ADGRL3: variants seen among roughly 807,000 people sequenced by gnomAD.
ADGRL3 encodes the protein adhesion G protein-coupled receptor L3, also known as calcium-independent alpha-latrotoxin receptor 3.
In ADGRL3, 62 loss-of-function variants were observed where a neutral mutation model predicts 153.5. The observed-to-expected ratio is 0.40, with a 90% CI of 0.33 to 0.50. ADGRL3 has a LOEUF of 0.50. ADGRL3 is among the 20% of genes least tolerant of loss of function. The pLI is 0.47. For synonymous variants in ADGRL3, 710 were observed against 672.5 expected (o/e 1.06, Z -0.86); for missense variants, 1,641 against 1,859.4 (o/e 0.88, Z 2.16).
chr4:62,027,295 C>T (rs1386461270), intron 21 of ADGRL3, among the ~76,000 whole-genome samples: 2 of 151,824 alleles, frequency 1.3e-5, no homozygotes, highest in South Asian at 2.1e-4. Flanking sequence ...CTTGGATTTC[C>T]GTTTCTTGGC....
At chr4:61,700,001 A>G (rs2095720644) in intron 6 of ADGRL3, among the ~76,000 whole-genome samples, 1 of 151,810 alleles carries the variant, frequency 6.6e-6, no homozygotes, top group Admixed American at 6.6e-5. Flanking sequence ...GAGAGAGAAG[A>G]CATATGTATG....
At chr4:61,922,222 T>C (rs1353379901) in intron 13 of ADGRL3, among the ~76,000 whole-genome samples, 1 of 152,186 alleles carries the variant, frequency 6.6e-6, no homozygotes, top group East Asian at 1.9e-4. Context: ...GTATGGAGTT[T>C]TACAGTGTTG....
intron 1 of ADGRL3, among the ~76,000 whole-genome samples, chr4:61,367,263 T>C (rs1396253280): frequency 1.3e-5 from 2 of 151,788 alleles, no homozygotes; most frequent in Admixed American, 1.3e-4. Flanking sequence ...ATACTTTAAG[T>C]TTTAGGGTAC....
intron 4 of ADGRL3, among the ~76,000 whole-genome samples, chr4:61,522,352 A>T (rs988209213): frequency 6.6e-6 from 1 of 152,178 alleles, no homozygotes; most frequent in African/African-American, 2.4e-5. Context: ...GCCTAATTAT[A>T]ACTGGTTATT....
intron 1 of ADGRL3, among the ~76,000 whole-genome samples, chr4:61,317,913 C>T (rs1259179645): frequency 4.6e-5 from 7 of 152,062 alleles, no homozygotes; most frequent in African/African-American, 9.7e-5. Context: ...TGGTGGCTCA[C>T]GCCTGTAATC....
At chr4:61,252,161 G>C (rs1474866009) in intron 1 of ADGRL3, among the ~76,000 whole-genome samples, 1 of 152,072 alleles carries the variant, frequency 6.6e-6, no homozygotes, top group Non-Finnish European at 1.5e-5. Flanking sequence ...GGGATTACAG[G>C]CATGAGCCAC....
At chr4:61,884,647 T>C (rs35109979) in intron 9 of ADGRL3, among the ~76,000 whole-genome samples, 45,333 of 151,734 alleles carry the variant, frequency 0.3, 7,227 homozygotes, top group East Asian at 0.62. Flanking sequence ...TTTTTTGAGA[T>C]GGAGTCTCGC....
intron 23 of ADGRL3, 61 bp from the exon 24 acceptor site, chr4:62,037,670 T>G: frequency 6.4e-7 from 1 of 1,573,246 alleles, no homozygotes; most frequent in Non-Finnish European, 8.7e-7. Flanking sequence ...ATACATTGTC[T>G]ACTTTTGTTC....
At chr4:61,828,674 T>C (rs1271167290) in intron 9 of ADGRL3, among the ~76,000 whole-genome samples, 1 of 152,198 alleles carries the variant, frequency 6.6e-6, no homozygotes, top group African/African-American at 2.4e-5. Flanking sequence ...ACTGTCTTAA[T>C]GGAGTACTTC....
chr4:61,250,721 G>C (rs1460512210), intron 1 of ADGRL3, among the ~76,000 whole-genome samples: 2 of 152,140 alleles, frequency 1.3e-5, no homozygotes, highest in African/African-American at 4.8e-5. Flanking sequence ...CAAATGAGCT[G>C]TGTGTTACTG....
chr4:61,236,003 C>T (rs368560880), intron 1 of ADGRL3, among the ~76,000 whole-genome samples: 16 of 59,060 alleles, frequency 2.7e-4, no homozygotes, highest in South Asian at 7.5e-4. Context: ...TGTTTCTTTT[C>T]TTTTCTTTTT....
chr4:61,338,012 C>A (rs546886410), intron 1 of ADGRL3, among the ~76,000 whole-genome samples: 1 of 152,132 alleles, frequency 6.6e-6, no homozygotes, highest in Admixed American at 6.5e-5. Flanking sequence ...CCTGTAATCC[C>A]CCAGCACTTT....
chr4:61,316,919 A>C (rs1187469948), intron 1 of ADGRL3, among the ~76,000 whole-genome samples: 1 of 152,192 alleles, frequency 6.6e-6, no homozygotes, highest in Non-Finnish European at 1.5e-5. Flanking sequence ...ACTATGTAAA[A>C]AGGAAATAAG....
chr4:61,574,995 G>A (rs2098863151), intron 4 of ADGRL3, among the ~76,000 whole-genome samples: 4 of 151,484 alleles, frequency 2.6e-5, no homozygotes, highest in Non-Finnish European at 5.9e-5. Context: ...TACATCAATT[G>A]AATTAAAGAA....
intron 5 of ADGRL3, among the ~76,000 whole-genome samples, chr4:61,635,189 C>T (rs937022573): frequency 6.6e-6 from 1 of 152,066 alleles, no homozygotes; most frequent in African/African-American, 2.4e-5. Flanking sequence ...TACATATGCA[C>T]AAGACTGGAC....
intron 1 of ADGRL3, among the ~76,000 whole-genome samples, chr4:61,261,830 T>C (rs909793545): frequency 7.2e-5 from 11 of 152,038 alleles, no homozygotes; most frequent in African/African-American, 2.7e-4. Flanking sequence ...CTCTGAAAAA[T>C]GCTAGGATTT....
intron 4 of ADGRL3, among the ~76,000 whole-genome samples, chr4:61,525,923 A>G (rs919780368): frequency 6.6e-6 from 1 of 152,116 alleles, no homozygotes; most frequent in Non-Finnish European, 1.5e-5. Flanking sequence ...GTCAAGAGAA[A>G]AGCGATCATT....
chr4:61,524,052 C>CA (rs1482970157), intron 4 of ADGRL3, among the ~76,000 whole-genome samples: 4 of 151,960 alleles, frequency 2.6e-5, no homozygotes, highest in African/African-American at 9.7e-5. Flanking sequence ...ATGTGTGTTC[C>CA]AAAGGAGCAA....
At chr4:61,437,582 T>G (rs2097464557) in intron 2 of ADGRL3, among the ~76,000 whole-genome samples, 1 of 152,182 alleles carries the variant, frequency 6.6e-6, no homozygotes, top group African/African-American at 2.4e-5. Flanking sequence ...TGATTTAAAT[T>G]TTCTCTCATC....
Sources: allele counts gnomAD v4.1 joint callset (sites outside exome capture counted in the v4.1 genomes callset), GRCh38; gene constraint gnomAD v4.1.1; transcripts MANE v1.5; gene names NCBI Gene and HGNC (gene_info 2026-07-23, HGNC 2026-07-21).